The following HECW2 variants were observed in gnomAD, a reference collection of about 807,000 sequenced individuals.
The protein encoded by HECW2 is E3 ubiquitin-protein ligase HECW2.
Under a neutral mutation model 175.2 loss-of-function variants are expected in HECW2, and 61 were observed. The ratio of observed to expected loss-of-function variants is 0.35; its 90% confidence interval spans 0.28 to 0.43. The LOEUF (loss-of-function observed/expected upper bound fraction) is 0.43. HECW2 is among the 20% of genes least tolerant of loss of function. The probability of loss-of-function intolerance (pLI) is 1.00; values close to 1 mark genes in which losing one functional copy is unlikely to be tolerated. For synonymous variants in HECW2, 671 were observed against 731.0 expected (o/e 0.92, Z 1.32); for missense variants, 1,524 against 2,000.5 (o/e 0.76, Z 4.54).
chr2:196,235,729 C>A (rs1048011808), intron 21 of HECW2, among the ~76,000 whole-genome samples: 1 of 140,318 alleles, frequency 7.1e-6, no homozygotes, highest in Non-Finnish European at 1.5e-5. Context: ...GATCTCGGCT[C>A]ACTGCAAGCT....
intron 14 of HECW2, chr2:196,288,297 CACTGAT>C (rs1211782401): frequency 6.6e-6 from 1 of 152,108 alleles, no homozygotes; most frequent in East Asian, 1.9e-4. Context: ...AGCAGAATTC[CACTGAT>C]ACAGCAAGAG....
chr2:196,278,653 C>T lies in HECW2; in HGVS notation c.3010G>A (p.Val1004Met), dbSNP rs569676447. 1 of 1,614,016 alleles carries T rather than the reference C, an allele frequency of 6.2e-7. No individual in the cohort carries two copies. The highest frequency in any genetic ancestry group is 2.2e-5 in the East Asian group (1 of 44,868). ...GTGGTGGTGCGGGAGTTGTGGTCCA[C>T]AAAGAATGCCTAGGATACAATACAC... ...KHDHQGKAFF[V>M]DHNSRTTTFI... The change falls in exon 15 of 29, where the codon GTG becomes ATG. Residue 1004 changes from valine to methionine, a missense_variant. By Grantham distance (21) the Val-to-Met change is conservative (BLOSUM62 1). Coordinates refer to ENST00000644978, the MANE Select transcript of HECW2 (RefSeq NM_001348768.2).
chr2:196,416,515 A>C (rs1695260326), intron 2 of HECW2, among the ~76,000 whole-genome samples: 1 of 152,200 alleles, frequency 6.6e-6, no homozygotes, highest in Non-Finnish European at 1.5e-5. Flanking sequence ...CTGAATCATC[A>C]TATTCTACTG....
At chr2:196,450,059 A>G (rs1395194438) in intron 1 of HECW2, among the ~76,000 whole-genome samples, 1 of 152,198 alleles carries the variant, frequency 6.6e-6, no homozygotes, top group East Asian at 1.9e-4. Flanking sequence ...TGAGAACCAG[A>G]AAGAAAGCTG....
chr2:196,388,407 G>A (rs1694412479), intron 2 of HECW2, among the ~76,000 whole-genome samples: 1 of 152,116 alleles, frequency 6.6e-6, no homozygotes, highest in Non-Finnish European at 1.5e-5. Context: ...AGTGCTTACT[G>A]TCAGGCATGG....
chr2:196,556,762 C>G (rs2125493107), intron 1 of HECW2, among the ~76,000 whole-genome samples: 1 of 152,194 alleles, frequency 6.6e-6, no homozygotes, highest in East Asian at 1.9e-4. Flanking sequence ...AGATAGATAT[C>G]CCAAGCATAA....
In HECW2 at chr2:196,298,471, G is replaced by A. The variant is rs1006641906; in HGVS notation, c.2815-5721C>T. ...GGATTACTAGGTATTACAACTACAC[G>A]TAATCTATTTTTCTTTTTTTTTACA... On this transcript the variant is annotated intron_variant, in intron 13 of 28. Transcript: ENST00000644978. Among the ~76,000 whole-genome samples the A allele has an allele frequency of 6.6e-5, 10 of 151,984 alleles. No homozygotes were observed. The East Asian group carries it at 1.4e-3, about 21-fold the overall frequency.
At chr2:196,365,705 A>C (rs7568978) in intron 2 of HECW2, among the ~76,000 whole-genome samples, 11,246 of 152,226 alleles carry the variant, frequency 0.074, 627 homozygotes, top group African/African-American at 0.16. Flanking sequence ...TGTGTACAAA[A>C]TACGTGTATT....
At chr2:196,323,422 A>T (rs1692022542) in intron 6 of HECW2, among the ~76,000 whole-genome samples, 1 of 152,224 alleles carries the variant, frequency 6.6e-6, no homozygotes, top group South Asian at 2.1e-4. Context: ...GGTGCCAGGA[A>T]TCTAACCTAA....
intron 1 of HECW2, among the ~76,000 whole-genome samples, chr2:196,502,521 G>A (rs550477351): frequency 4.6e-5 from 7 of 152,166 alleles, no homozygotes; most frequent in South Asian, 2.1e-4. Flanking sequence ...ACACATAATC[G>A]CACTCCAATG....
At chr2:196,233,278 T>A (rs971520158) in intron 21 of HECW2, among the ~76,000 whole-genome samples, 14 of 152,200 alleles carry the variant, frequency 9.2e-5, no homozygotes, top group Non-Finnish European at 1.6e-4. Flanking sequence ...TAAGCACAGA[T>A]GTCTCCAGGG....
intron 2 of HECW2, among the ~76,000 whole-genome samples, chr2:196,350,733 A>C (rs896681627): frequency 1.3e-5 from 2 of 152,244 alleles, no homozygotes; most frequent in Non-Finnish European, 2.9e-5. Context: ...TCCTGCCATA[A>C]GGAGCTGACG....
intron 1 of HECW2, among the ~76,000 whole-genome samples, chr2:196,514,557 T>A (rs755994628): frequency 5.3e-5 from 8 of 152,106 alleles, no homozygotes; most frequent in Non-Finnish European, 1.0e-4. Flanking sequence ...GAGTGAGAAC[T>A]TATGGTGCTT....
intron 21 of HECW2, 48 bp from the exon 22 acceptor site, chr2:196,228,302 A>G: frequency 6.5e-7 from 1 of 1,548,220 alleles, no homozygotes; most frequent in Non-Finnish European, 8.7e-7. Flanking sequence ...TTTTTTCTAG[A>G]TATTGGGCAG....
chr2:196,580,218 A>G (rs1690720486), intron 1 of HECW2, among the ~76,000 whole-genome samples: 1 of 142,140 alleles, frequency 7.0e-6, no homozygotes, highest in Admixed American at 6.7e-5. Context: ...AGAAATGGAC[A>G]ACAATAGTCA....
At chr2:196,496,400 C>G (rs967894847) in intron 1 of HECW2, among the ~76,000 whole-genome samples, 3 of 129,278 alleles carry the variant, frequency 2.3e-5, no homozygotes, top group African/African-American at 1.2e-4. Flanking sequence ...TAAGCTCTTT[C>G]CATATATGTA....
intron 1 of HECW2, among the ~76,000 whole-genome samples, chr2:196,545,994 C>T (rs554098228): frequency 1.2e-4 from 18 of 152,162 alleles, no homozygotes; most frequent in Admixed American, 1.2e-3. Context: ...TCTTTGATGA[C>T]ATTTTCAATT....
intron 2 of HECW2, among the ~76,000 whole-genome samples, chr2:196,361,528 C>T (rs1693587302): frequency 6.6e-6 from 1 of 152,144 alleles, no homozygotes; most frequent in East Asian, 1.9e-4. Flanking sequence ...CTTAACAACA[C>T]AATCCATTTA....
chr2:196,470,519 T>A (rs1697153511), intron 1 of HECW2, among the ~76,000 whole-genome samples: 1 of 152,180 alleles, frequency 6.6e-6, no homozygotes. Flanking sequence ...TGAAGTTGTG[T>A]TTTGGAGTTT....
Sources: allele counts gnomAD v4.1 joint callset (sites outside exome capture counted in the v4.1 genomes callset), GRCh38; gene constraint gnomAD v4.1.1; transcripts MANE v1.5; gene names NCBI Gene and HGNC (gene_info 2026-07-23, HGNC 2026-07-21).